The following GARS1 variants were observed in gnomAD, a reference collection of about 807,000 sequenced individuals.
The protein encoded by GARS1 is glycyl-tRNA synthetase 1.
In GARS1, 46 loss-of-function variants were observed where a neutral mutation model predicts 86.4. The observed-to-expected ratio is 0.53, with a 90% CI of 0.42 to 0.68. GARS1 has a LOEUF of 0.68. GARS1 is among the 30% of genes least tolerant of loss of function. The pLI, the probability that GARS1 is intolerant of heterozygous loss-of-function variation, is 0.00. For missense variants in GARS1, 797 were observed against 915.6 expected, an observed-to-expected ratio of 0.87 and a Z score of 1.67; for synonymous variants, 342 against 329.8, an observed-to-expected ratio of 1.04 and a Z score of -0.40.
In GARS1 at chr7:30,612,254, C is replaced by G. The variant is rs1264165904; in HGVS notation, c.1031+9C>G. 1.2e-6 allele frequency: 2 copies of G among 1,613,258 alleles called. No individual in the cohort carries two copies. The highest frequency in any genetic ancestry group is 1.7e-6 in the Non-Finnish European group (2 of 1,179,294). ...GGACTGATCAGAGTCAGGTACTGCT[C>G]AGGTTACTCTTACAAATTAGTGAAT... On this transcript the variant is annotated intron_variant, in intron 8 of 16. Transcript: ENST00000389266.
At chr7:30,594,808 G>A (rs892811963), upstream of GARS1, 1 of 906,050 alleles carries the variant, frequency 1.1e-6, no homozygotes, top group Non-Finnish European at 1.7e-6. Flanking sequence ...GGTGGTGAAT[G>A]TGCGGCAGCA....
chr7:30,598,744 A>G (rs1791313147), intron 1 of GARS1, 52 bp from the exon 2 acceptor site: 2 of 1,464,402 alleles, frequency 1.4e-6, no homozygotes, highest in Admixed American at 1.7e-5. Flanking sequence ...CATTCCTAAC[A>G]TTTCTTAACT....
chr7:30,633,710 T>G, intron 16 of GARS1, 25 bp from the exon 17 acceptor site: 1 of 1,613,132 alleles, frequency 6.2e-7, no homozygotes. Context: ...TGGTTGATAC[T>G]TGGCTTCTCT....
intron 12 of GARS1, among the ~76,000 whole-genome samples, chr7:30,623,948 C>T (rs941362083): frequency 1.1e-4 from 16 of 152,164 alleles, no homozygotes; most frequent in Non-Finnish European, 2.2e-4. Context: ...AGACAAAATT[C>T]CTACACCCAG....
intron 5 of GARS1, 22 bp downstream of exon 5, chr7:30,603,144 A>T (rs1584026269): frequency 6.4e-7 from 1 of 1,563,768 alleles, no homozygotes; most frequent in Admixed American, 1.7e-5. Flanking sequence ...CATCTCCTTC[A>T]GGTAGGATTG....
chr7:30,607,645 A>ATG (rs1791510961), intron 6 of GARS1, among the ~76,000 whole-genome samples: 1 of 152,220 alleles, frequency 6.6e-6, no homozygotes. Context: ...ATGTATACTT[A>ATG]TGTATCAAAC....
intron 3 of GARS1, among the ~76,000 whole-genome samples, chr7:30,600,290 A>G (rs1022515639): frequency 1.3e-5 from 2 of 152,182 alleles, no homozygotes; most frequent in African/African-American, 4.8e-5. Context: ...TTGGAGGCCC[A>G]TGTATGTATT....
intron 6 of GARS1, among the ~76,000 whole-genome samples, chr7:30,604,552 T>C (rs1329399463): frequency 6.6e-6 from 1 of 152,210 alleles, no homozygotes; most frequent in Non-Finnish European, 1.5e-5. Flanking sequence ...TTCTCTGTGA[T>C]AGTTAACTTT....
rs771009601 is a variant in GARS1 at position 30,601,147 on chromosome 7, G to T, written c.516G>T (p.Glu172Asp). ...IQTWRQHFIQ[E>D]EQILEIDCTM... Reference sequence around the variant, plus strand: ...CCTGGAGGCAGCACTTTATCCAAGAGGAACAGATCCTGGAGATCGATTGCA... The same window carrying T: ...CCTGGAGGCAGCACTTTATCCAAGATGAACAGATCCTGGAGATCGATTGCA... The change falls in exon 4 of 17, where the codon GAG (glutamate) becomes GAT (aspartate). Residue 172 changes from glutamate (E) to aspartate (D), a missense_variant. This residue lies in a region of GARS1 where 598 missense variants were observed against 738.7 expected (regional missense o/e 0.81). Coordinates refer to ENST00000389266, the MANE Select transcript of GARS1 (RefSeq NM_002047.4). The T allele has an allele frequency of 3.1e-6, 5 of 1,614,024 alleles. No individual in the cohort carries two copies. Among genetic ancestry groups the T allele is most frequent in the African/African-American group, 2.7e-5 (2 of 74,934 alleles).
Position 30,626,303 on chromosome 7 carries a change from C to G in GARS1, c.1683C>G (p.Phe561Leu), listed in dbSNP as rs1444487932. 6.3e-7 allele frequency: 1 copy of G among 1,579,166 alleles called. No homozygotes were observed. The highest frequency in any genetic ancestry group is 1.1e-5 in the South Asian group (1 of 90,222). ...AAGACATGATCAATGTGAAGAGATT[C>G]CAGAAAACACTATATGGTAAATTTG... ...LTKDMINVKR[F>L]QKTLYVEEVV... The change falls in exon 13 of 17, where the codon TTC becomes TTG. Residue 561 changes from phenylalanine to leucine, a missense_variant. By Grantham distance (22) the Phe-to-Leu change is conservative. Around this residue, in one of 2 missense-constraint regions of GARS1, gnomAD observed 598 missense variants for 738.7 expected, o/e 0.81. Transcript: ENST00000389266.
chr7:30,617,413 GA>G lies in GARS1; in HGVS notation c.1359+140del. 8 of 1,095,806 alleles carry G rather than the reference GA, an allele frequency of 7.3e-6. No individual in the cohort carries two copies. In the South Asian group the frequency reaches 1.1e-4, roughly 15 times the overall value. 67.9% of individuals were successfully genotyped at this position (1,095,806 alleles called of 1,614,324 possible). ...AAGAGATCTTTTCCTGAGCAAAACA[GA>G]AAAAGCAGTTGCCTCCTGCCTTTTT... is the stretch of plus-strand genomic sequence containing the variant. On this transcript the variant is annotated intron_variant, in intron 10 of 16. Transcript: ENST00000389266.
intron 2 of GARS1, 43 bp downstream of exon 2, chr7:30,598,940 G>C (rs907969416): frequency 2.1e-6 from 3 of 1,455,444 alleles, no homozygotes; most frequent in Non-Finnish European, 1.9e-6. Context: ...GTAGGTATAG[G>C]ATTGTTCATC....
chr7:30,605,175 A>G lies in GARS1; in HGVS notation c.735+1603A>G, dbSNP rs371630764. Among the ~76,000 whole-genome samples the G allele has an allele frequency of 2.5e-3, 387 of 152,294 alleles. 3 individuals carry two copies. Among genetic ancestry groups the G allele is most frequent in the African/African-American group, 8.9e-3 (371 of 41,568 alleles). Reference sequence around the variant, plus strand: ...TTAAGCACAGAGTAGCGTTTTCTGCACCTTAGTGTCTGACTCCTTTTCAGC... The same window carrying G: ...TTAAGCACAGAGTAGCGTTTTCTGCGCCTTAGTGTCTGACTCCTTTTCAGC... On this transcript the variant is annotated intron_variant, in intron 6 of 16. Transcript: ENST00000389266.
At chr7:30,622,795 A>G in intron 12 of GARS1, 1 of 345,174 alleles carries the variant, frequency 2.9e-6, no homozygotes, top group Non-Finnish European at 5.6e-6. Flanking sequence ...TAATTGTTTA[A>G]GCATGAATAT....
intron 2 of GARS1, among the ~76,000 whole-genome samples, chr7:30,599,306 G>C (rs1295155445): frequency 6.6e-6 from 1 of 152,146 alleles, no homozygotes; most frequent in Non-Finnish European, 1.5e-5. Context: ...AACTTAAGTT[G>C]TTTTGGGGTT....
chr7:30,602,950 A>G, intron 4 of GARS1, 84 bp from the exon 5 acceptor site: 1 of 936,848 alleles, frequency 1.1e-6, no homozygotes, highest in Non-Finnish European at 1.8e-6. Context: ...GGATATAAAT[A>G]TTGATGGGGA....
At position 30,633,920 on chromosome 7, in the gene GARS1, A is replaced by T. The variant is rs930570579; in HGVS notation, c.*60A>T. The stretch of plus-strand genomic sequence containing the variant: ...ATAAAAAAAAAAAAAAACTACTCTT[A>T]TGTCCACTTTACAAAAGAAAACAGC... On this transcript the variant is annotated 3_prime_UTR_variant, in exon 17 of 17. Transcript: ENST00000389266. The T allele has an allele frequency of 3.3e-5, 51 of 1,564,632 alleles. No individual in the cohort carries two copies. The highest frequency in any genetic ancestry group is 3.5e-5 in the Admixed American group (2 of 56,494).
At chr7:30,633,206 T>C (rs138481532) in intron 16 of GARS1, among the ~76,000 whole-genome samples, 2 of 152,318 alleles carry the variant, frequency 1.3e-5, no homozygotes, top group East Asian at 3.9e-4. Flanking sequence ...ACCAGCAGCA[T>C]CAGTATCCCC....
At chr7:30,624,270 A>T (rs777896713) in intron 12 of GARS1, among the ~76,000 whole-genome samples, 1 of 152,170 alleles carries the variant, frequency 6.6e-6, no homozygotes, top group South Asian at 2.1e-4. Context: ...GACCTCCACT[A>T]TGAGAATTGT....
Sources: gnomAD v4.1 joint callset for allele counts (sites outside exome capture counted in the v4.1 genomes callset) on GRCh38, gnomAD v4.1.1 for gene constraint, gnomAD v4.1.1 regional missense constraint, MANE v1.5 for transcripts, NCBI Gene and HGNC (gene_info 2026-07-23, HGNC 2026-07-21) for gene names.